The following KDM1A variants were observed in gnomAD, a reference collection of about 807,000 sequenced individuals.
The protein encoded by KDM1A is lysine demethylase 1A.
In KDM1A, 49 loss-of-function variants were observed where a neutral mutation model predicts 109.4. The observed-to-expected ratio is 0.45, with a 90% confidence interval of 0.36 to 0.57. The LOEUF (loss-of-function observed/expected upper bound fraction) is 0.57. KDM1A is among the 20% of genes least tolerant of loss of function. The probability of loss-of-function intolerance (pLI) is 0.00; values close to 1 mark genes in which losing one functional copy is unlikely to be tolerated. For missense variants in KDM1A, 668 were observed against 1,116.6 expected (o/e 0.60, Z 5.73); for synonymous variants, 380 against 415.4 (o/e 0.91, Z 1.04).
chr1:23,077,233 T>C lies in KDM1A; in HGVS notation c.1740T>C (p.Asp580=). The part of the protein sequence containing the change: ...TLSLKHWDQD[D]DFEFTGSHLT... ...TTCTTTTCTCTCCTCTTTAGGATGA[T>C]GACTTTGAGTTCACTGGCAGCCACC... Residue 580 remains aspartate, a synonymous_variant, in exon 16 of 21, where the codon GAT becomes GAC. Transcript: ENST00000400181. 4.3e-6 allele frequency: 7 copies of C among 1,613,742 alleles called. No individual in the cohort carries two copies. The highest frequency in any genetic ancestry group is 5.9e-6 in the Non-Finnish European group (7 of 1,179,794).
chr1:23,077,421 T>C, intron 16 of KDM1A, 61 bp downstream of exon 16: 2 of 1,538,236 alleles, frequency 1.3e-6, no homozygotes, highest in Non-Finnish European at 1.8e-6. Flanking sequence ...TGATCTTTTG[T>C]TAGGTGCGAC....
chr1:23,038,657 C>A (rs889730324), intron 2 of KDM1A, among the ~76,000 whole-genome samples: 9 of 152,102 alleles, frequency 5.9e-5, no homozygotes, highest in African/African-American at 2.2e-4. Context: ...TGCATTTCTC[C>A]CTAGCTTGTA....
intron 2 of KDM1A, among the ~76,000 whole-genome samples, chr1:23,038,110 G>T (rs1642201732): frequency 6.6e-6 from 1 of 152,138 alleles, no homozygotes; most frequent in Non-Finnish European, 1.5e-5. Flanking sequence ...GGGTGGATTG[G>T]TGTTTTATTT....
At chr1:23,033,772 G>A (rs10799789) in intron 2 of KDM1A, among the ~76,000 whole-genome samples, 113,793 of 152,066 alleles carry the variant, frequency 0.75, 43,467 homozygotes, top group Non-Finnish European at 0.83. Flanking sequence ...ATTGTGAATA[G>A]CCTTGGTTGA....
At chr1:23,076,106 T>C (rs1407646493) in intron 15 of KDM1A, among the ~76,000 whole-genome samples, 1 of 152,244 alleles carries the variant, frequency 6.6e-6, no homozygotes, top group Non-Finnish European at 1.5e-5. Context: ...GTCATTGATT[T>C]ATCATTTGAT....
intron 13 of KDM1A, 75 bp from the exon 14 acceptor site, chr1:23,072,049 A>G (rs1285111745): frequency 1.1e-6 from 1 of 877,402 alleles, no homozygotes; most frequent in East Asian, 2.6e-5. Flanking sequence ...TCCAGACCTT[A>G]TACTTTGTGG....
chr1:23,077,367 C>T lies in KDM1A; in HGVS notation c.1867+7C>T. On this transcript the variant is annotated splice_region_variant and intron_variant, in intron 16 of 20. Transcript: ENST00000400181. The stretch of plus-strand genomic sequence containing the variant: ...GTTCGCTACACGGCTTCAGGTATGT[C>T]ACTGCTTTACAAAAGGTAAGAGAGA... 1 of 1,608,664 alleles carries T rather than the reference C, an allele frequency of 6.2e-7. No individual in the cohort carries two copies. Among genetic ancestry groups the T allele is most frequent in the Admixed American group, 1.7e-5 (1 of 59,590 alleles).
At chr1:23,034,831 T>C (rs564704561) in intron 2 of KDM1A, among the ~76,000 whole-genome samples, 1 of 152,328 alleles carries the variant, frequency 6.6e-6, no homozygotes, top group African/African-American at 2.4e-5. Flanking sequence ...AAATTTGAAA[T>C]GGGTTATTAA....
chr1:23,042,742 G>A (rs1379723023), intron 2 of KDM1A, among the ~76,000 whole-genome samples: 31 of 148,310 alleles, frequency 2.1e-4, no homozygotes, highest in East Asian at 4.1e-4. Context: ...GTGAGCCACC[G>A]CGCCCGGCCT....
chr1:23,025,131 T>C (rs1382013917), intron 1 of KDM1A, among the ~76,000 whole-genome samples: 1 of 152,308 alleles, frequency 6.6e-6, no homozygotes, highest in East Asian at 1.9e-4. Context: ...GCTATTAAGT[T>C]TAAATTGAAA....
chr1:23,059,001 T>C, intron 8 of KDM1A, 72 bp from the exon 9 acceptor site: 2 of 845,532 alleles, frequency 2.4e-6, no homozygotes, highest in Non-Finnish European at 3.5e-6. Context: ...TGAGTAAAAA[T>C]ATTTTTTACT....
In KDM1A at chr1:23,020,039, C is replaced by A. The variant is rs1569597025; in HGVS notation, c.351+92C>A. On this transcript the variant is annotated intron_variant, in intron 1 of 20. Transcript: ENST00000400181. Reference sequence around the variant, plus strand: ...TCCCCCGCCGCCGCCGGGTCTTGGGCCCTGCGACCACTCAGACCTCCCCTT... The same window carrying A: ...TCCCCCGCCGCCGCCGGGTCTTGGGACCTGCGACCACTCAGACCTCCCCTT... 4 of 1,315,836 alleles carry A rather than the reference C, an allele frequency of 3.0e-6. No homozygotes were observed. The South Asian group carries it at 5.4e-5, about 18-fold the overall frequency. 81.5% of individuals were successfully genotyped at this position (1,315,836 alleles called of 1,614,324 possible).
At chr1:23,062,454 G>A (rs1057031006) in intron 9 of KDM1A, among the ~76,000 whole-genome samples, 1 of 152,162 alleles carries the variant, frequency 6.6e-6, no homozygotes, top group African/African-American at 2.4e-5. Context: ...GTAACTTGTT[G>A]GTTCTGTTGT....
At chr1:23,027,697 C>T (rs1569630178) in intron 1 of KDM1A, among the ~76,000 whole-genome samples, 1 of 149,956 alleles carries the variant, frequency 6.7e-6, no homozygotes, top group Non-Finnish European at 1.5e-5. Flanking sequence ...ACTGAGATTA[C>T]AGGCTTGAGC....
At chr1:23,075,093 A>G (rs1018350968) in intron 15 of KDM1A, among the ~76,000 whole-genome samples, 2 of 152,230 alleles carry the variant, frequency 1.3e-5, no homozygotes, top group East Asian at 1.9e-4. Flanking sequence ...CATCTTAACA[A>G]TATTGAATAT....
chr1:23,072,617 C>T (rs1643351974), intron 14 of KDM1A, among the ~76,000 whole-genome samples: 1 of 152,090 alleles, frequency 6.6e-6, no homozygotes, highest in South Asian at 2.1e-4. Flanking sequence ...CCACATAAAT[C>T]TGTTCTGTTC....
At chr1:23,028,082 ATTTC>A in intron 1 of KDM1A, among the ~76,000 whole-genome samples, 1 of 152,114 alleles carries the variant, frequency 6.6e-6, no homozygotes, top group East Asian at 1.9e-4. Context: ...CTTGTTAATT[ATTTC>A]TTTGTCAAGG....
At chr1:23,057,668 C>T (rs1466695784) in intron 8 of KDM1A, 103 bp downstream of exon 8, 1 of 828,742 alleles carries the variant, frequency 1.2e-6, no homozygotes, top group African/African-American at 1.7e-5. Flanking sequence ...TTAGAATAGT[C>T]ATCTTCCGTT....
At chr1:23,042,398 C>T (rs544598428) in intron 2 of KDM1A, among the ~76,000 whole-genome samples, 211 of 140,454 alleles carry the variant, frequency 1.5e-3, no homozygotes, top group Non-Finnish European at 2.3e-3. Flanking sequence ...TGGAACCAAA[C>T]GAAACAATGG....
Sources: gnomAD v4.1 joint callset for allele counts (sites outside exome capture counted in the v4.1 genomes callset) on GRCh38, gnomAD v4.1.1 for gene constraint, MANE v1.5 for transcripts, NCBI Gene and HGNC (gene_info 2026-07-23, HGNC 2026-07-21) for gene names.